VPS13B: variants seen among roughly 807,000 people sequenced by gnomAD.
VPS13B encodes the protein intermembrane lipid transfer protein VPS13B.
In VPS13B, 285 loss-of-function variants were observed where a neutral mutation model predicts 426.4. The ratio of observed to expected loss-of-function variants is 0.67; its 90% confidence interval spans 0.61 to 0.74. VPS13B has a LOEUF of 0.74. Ranked by LOEUF, VPS13B falls within the 30% of genes least tolerant of loss-of-function variation. VPS13B has a pLI of 0.00. For synonymous variants in VPS13B, 1,676 were observed against 1,676.4 expected (o/e 1.00, Z 0.01); for missense variants, 4,537 against 4,782.6 (o/e 0.95, Z 1.51).
intron 25 of VPS13B, among the ~76,000 whole-genome samples, chr8:99,486,625 T>G (rs1251102233): frequency 6.6e-6 from 1 of 152,224 alleles, no homozygotes; most frequent in Non-Finnish European, 1.5e-5. Flanking sequence ...GTGTATCTTT[T>G]GCTTAAAAAG....
At chr8:99,346,370 T>C (rs1811540580) in intron 19 of VPS13B, 1 of 152,248 alleles carries the variant, frequency 6.6e-6, no homozygotes, top group Non-Finnish European at 1.5e-5. Flanking sequence ...GGCAGGGTTC[T>C]AGTGGTATAT....
At chr8:99,257,524 C>A (rs1026771926) in intron 17 of VPS13B, among the ~76,000 whole-genome samples, 2 of 151,824 alleles carry the variant, frequency 1.3e-5, no homozygotes, top group African/African-American at 4.8e-5. Context: ...TCTTTACCAA[C>A]TCCTTCCAAA....
chr8:99,469,760 G>A (rs1162174914), intron 24 of VPS13B, among the ~76,000 whole-genome samples: 4 of 152,168 alleles, frequency 2.6e-5, no homozygotes, highest in Non-Finnish European at 5.9e-5. Flanking sequence ...TTATAGGTTT[G>A]TAACAGAAGT....
intron 39 of VPS13B, among the ~76,000 whole-genome samples, chr8:99,732,610 C>T (rs972096607): frequency 1.3e-5 from 2 of 152,332 alleles, no homozygotes; most frequent in Middle Eastern, 3.4e-3. Flanking sequence ...AAGGAACTGT[C>T]CACAGTCTCT....
chr8:99,051,062 T>G (rs1004299450), intron 3 of VPS13B, among the ~76,000 whole-genome samples: 1 of 152,216 alleles, frequency 6.6e-6, no homozygotes, highest in African/African-American at 2.4e-5. Context: ...ATTTTGGCTT[T>G]TGTTGCCATT....
intron 19 of VPS13B, among the ~76,000 whole-genome samples, chr8:99,293,696 GA>G (rs1417094342): frequency 6.6e-6 from 1 of 151,310 alleles, no homozygotes; most frequent in African/African-American, 2.4e-5. Context: ...AAATTTACAA[GA>G]AAAAAACAAA....
intron 15 of VPS13B, among the ~76,000 whole-genome samples, chr8:99,165,487 G>A (rs555273914): frequency 3.3e-5 from 5 of 152,270 alleles, no homozygotes; most frequent in African/African-American, 9.6e-5. Flanking sequence ...ATGTGACTGC[G>A]TTGTGTAATT....
intron 19 of VPS13B, among the ~76,000 whole-genome samples, chr8:99,362,403 A>G (rs1812620572): frequency 6.6e-6 from 1 of 151,928 alleles, no homozygotes; most frequent in Admixed American, 6.6e-5. Context: ...TGGCCTCCCA[A>G]AGTGCTGGGA....
At chr8:99,450,740 C>T (rs930176538) in intron 23 of VPS13B, among the ~76,000 whole-genome samples, 5 of 151,704 alleles carry the variant, frequency 3.3e-5, no homozygotes, top group Non-Finnish European at 7.4e-5. Flanking sequence ...TTTTCTTTAT[C>T]TTTTTTTTAC....
chr8:99,226,009 A>G (rs1285522840), intron 17 of VPS13B, among the ~76,000 whole-genome samples: 1 of 151,894 alleles, frequency 6.6e-6, no homozygotes, highest in African/African-American at 2.4e-5. Context: ...CAGTGGTGCG[A>G]TCTCAGCTCA....
chr8:99,747,677 A>G (rs959129485), intron 39 of VPS13B, among the ~76,000 whole-genome samples: 1 of 152,026 alleles, frequency 6.6e-6, no homozygotes, highest in African/African-American at 2.4e-5. Flanking sequence ...CATTATTTTT[A>G]TTGTTTTGTT....
intron 8 of VPS13B, among the ~76,000 whole-genome samples, chr8:99,126,318 G>A (rs1284091324): frequency 6.6e-6 from 1 of 152,126 alleles, no homozygotes; most frequent in African/African-American, 2.4e-5. Flanking sequence ...GTCATCTTGG[G>A]GAGGATGAGG....
intron 19 of VPS13B, among the ~76,000 whole-genome samples, chr8:99,303,258 C>A (rs1422765773): frequency 5.7e-3 from 323 of 57,062 alleles, no homozygotes; most frequent in East Asian, 0.015. Flanking sequence ...CAGCCTGTCT[C>A]AAAAAAAAAA....
At chr8:99,394,717 T>A (rs1049194198) in intron 21 of VPS13B, among the ~76,000 whole-genome samples, 1 of 152,192 alleles carries the variant, frequency 6.6e-6, no homozygotes, top group Non-Finnish European at 1.5e-5. Flanking sequence ...ACAAGCAGAA[T>A]ACTCCATAAA....
intron 35 of VPS13B, among the ~76,000 whole-genome samples, chr8:99,662,501 C>T (rs1830274878): frequency 6.6e-6 from 1 of 152,050 alleles, no homozygotes; most frequent in Non-Finnish European, 1.5e-5. Flanking sequence ...AGCCAAAGTA[C>T]AGTCGTGCAA....
intron 12 of VPS13B, among the ~76,000 whole-genome samples, chr8:99,137,534 A>C (rs1346467744): frequency 6.6e-6 from 1 of 151,146 alleles, no homozygotes; most frequent in Non-Finnish European, 1.5e-5. Context: ...GTGTGGGTAA[A>C]AAAAAAAAAA....
chr8:99,818,742 G>C lies in VPS13B; in HGVS notation c.8475G>C (p.Arg2825Ser). The C allele has an allele frequency of 6.2e-7, 1 of 1,613,878 alleles. No homozygotes were observed. Among genetic ancestry groups the C allele is most frequent in the South Asian group, 1.1e-5 (1 of 91,054 alleles). The change falls in exon 47 of 62, where the codon AGG becomes AGC. Residue 2825 changes from arginine (R) to serine (S), a missense_variant. Around this residue, in one of 2 missense-constraint regions of VPS13B, gnomAD observed 4,311 missense variants for 4,474.3 expected, o/e 0.96. Transcript: ENST00000357162. ...MIVFSPLFIMRSHLPDPIIIH... is the reference protein window; with the variant it reads ...MIVFSPLFIMSSHLPDPIIIH... ...TGTTCAGCCCTCTTTTTATCATGAGGAGTCATCTTCCAGACCCCATTATCA... is the reference window on the plus strand; with the variant it reads ...TGTTCAGCCCTCTTTTTATCATGAGCAGTCATCTTCCAGACCCCATTATCA...
intron 19 of VPS13B, among the ~76,000 whole-genome samples, chr8:99,287,569 A>G (rs971296155): frequency 2.0e-5 from 3 of 152,042 alleles, no homozygotes; most frequent in African/African-American, 7.2e-5. Flanking sequence ...ATAAAAATCT[A>G]AAATATTGTG....
At chr8:99,610,939 C>T (rs925641608) in intron 33 of VPS13B, among the ~76,000 whole-genome samples, 4 of 152,084 alleles carry the variant, frequency 2.6e-5, no homozygotes, top group Non-Finnish European at 1.5e-5. Flanking sequence ...CAAAGCAAGG[C>T]TTAATTTGTC....
Sources: allele counts gnomAD v4.1 joint callset (sites outside exome capture counted in the v4.1 genomes callset), GRCh38; gene constraint gnomAD v4.1.1; regional missense constraint gnomAD v4.1.1; transcripts MANE v1.5; gene names NCBI Gene and HGNC (gene_info 2026-07-23, HGNC 2026-07-21).